Variants in SLC38A9 observed in about 807,000 individuals in gnomAD.
SLC38A9 encodes neutral amino acid transporter 9.
A neutral mutation model predicts 62.3 loss-of-function variants in SLC38A9; 48 were observed. That is an observed-to-expected ratio of 0.77 (90% CI 0.61 to 0.98). The LOEUF is 0.98. SLC38A9 is among the 50% of genes least tolerant of loss of function. The probability of loss-of-function intolerance (pLI) is 0.00; values close to 1 mark genes in which losing one functional copy is unlikely to be tolerated. For synonymous variants in SLC38A9, 204 were observed against 227.7 expected (o/e 0.90, Z 0.94); for missense variants, 541 against 679.8 (o/e 0.80, Z 2.27).
chr5:55,680,783 C>T lies in SLC38A9; in HGVS notation c.114-8088G>A, dbSNP rs1299708867. On this transcript the variant is annotated intron_variant, in intron 3 of 15. Coordinates refer to ENST00000396865, the MANE Select transcript of SLC38A9 (RefSeq NM_173514.4). ...TGCTTTACCACTGGAAAGACACTGT[C>T]AACAAATGGTTTACACAAACTGGTC... is the stretch of plus-strand genomic sequence containing the variant. Among the ~76,000 whole-genome samples the T allele has an allele frequency of 3.3e-5, 5 of 152,302 alleles. No individual in the cohort carries two copies. The South Asian group carries it at 1.0e-3, about 32-fold the overall frequency.
At chr5:55,651,227 TG>T in intron 10 of SLC38A9, among the ~76,000 whole-genome samples, 1 of 66,562 alleles carries the variant, frequency 1.5e-5, no homozygotes, top group Non-Finnish European at 3.7e-5. Flanking sequence ...GAACTTTCAC[TG>T]GGGGGGTTCC....
At chr5:55,639,674 T>A (rs978145868) in intron 12 of SLC38A9, among the ~76,000 whole-genome samples, 1 of 152,184 alleles carries the variant, frequency 6.6e-6, no homozygotes, top group African/African-American at 2.4e-5. Context: ...CTTAAAGGTA[T>A]AATCATTAAA....
chr5:55,708,469 G>C (rs1161650852), intron 2 of SLC38A9, among the ~76,000 whole-genome samples: 1 of 152,190 alleles, frequency 6.6e-6, no homozygotes, highest in Admixed American at 6.5e-5. Flanking sequence ...AAGAATATCA[G>C]CCCTTTCCAT....
intron 8 of SLC38A9, among the ~76,000 whole-genome samples, chr5:55,660,492 A>T (rs2150262085): frequency 6.6e-6 from 1 of 152,330 alleles, no homozygotes. Flanking sequence ...AAAATTTATC[A>T]TTACTTTCTG....
chr5:55,654,393 G>A (rs1206859186), intron 9 of SLC38A9, among the ~76,000 whole-genome samples: 3 of 152,134 alleles, frequency 2.0e-5, no homozygotes, highest in African/African-American at 7.2e-5. Context: ...TGGGGCAGGA[G>A]GATCACTTGA....
chr5:55,656,622 C>T (rs1405712765), intron 9 of SLC38A9, 93 bp downstream of exon 9: 22 of 821,528 alleles, frequency 2.7e-5, no homozygotes, highest in Non-Finnish European at 3.5e-5. Flanking sequence ...TTCTACTAAT[C>T]GTTTACCTAA....
chr5:55,705,903 T>C (rs1020055525), intron 2 of SLC38A9, among the ~76,000 whole-genome samples: 4 of 151,784 alleles, frequency 2.6e-5, no homozygotes, highest in Non-Finnish European at 5.9e-5. Flanking sequence ...AGAGACGGGG[T>C]TTCACCATAT....
At chr5:55,680,224 T>G (rs62362051) in intron 3 of SLC38A9, among the ~76,000 whole-genome samples, 27,576 of 143,266 alleles carry the variant, frequency 0.19, 2,648 homozygotes, top group Admixed American at 0.24. Context: ...TCTATATATA[T>G]ATAGAGAGAG....
At chr5:55,661,726 C>T (rs1243475551) in intron 8 of SLC38A9, among the ~76,000 whole-genome samples, 1 of 151,972 alleles carries the variant, frequency 6.6e-6, no homozygotes, top group Non-Finnish European at 1.5e-5. Flanking sequence ...TTTTGAATAA[C>T]ACAGAGCTAC....
intron 8 of SLC38A9, among the ~76,000 whole-genome samples, chr5:55,661,252 G>A (rs1749471382): frequency 1.3e-5 from 2 of 152,024 alleles, no homozygotes; most frequent in South Asian, 4.2e-4. Context: ...AGACCATCCT[G>A]GCTAACACGG....
At chr5:55,694,197 G>T in intron 3 of SLC38A9, 2 of 194,214 alleles carry the variant, frequency 1.0e-5, no homozygotes, top group South Asian at 7.2e-5. Context: ...TACAGAGTGA[G>T]ACCCTGTCTC....
At chr5:55,649,160 G>T in intron 11 of SLC38A9, 47 bp downstream of exon 11, 5 of 1,072,180 alleles carry the variant, frequency 4.7e-6, no homozygotes, top group Non-Finnish European at 6.7e-6. Context: ...ATATGACAAT[G>T]GTTAAGATCA....
At chr5:55,638,298 G>T (rs1744802442) in intron 12 of SLC38A9, among the ~76,000 whole-genome samples, 1 of 152,088 alleles carries the variant, frequency 6.6e-6, no homozygotes, top group Admixed American at 6.6e-5. Context: ...TAAAGATATA[G>T]CCTATTTAAT....
At chr5:55,711,521 C>T (rs1329170727) in intron 1 of SLC38A9, 22 bp from the exon 2 acceptor site, 2 of 152,158 alleles carry the variant, frequency 1.3e-5, no homozygotes, top group African/African-American at 4.8e-5. Context: ...GGAGAATGCG[C>T]TTGACTAGCT....
chr5:55,655,755 C>A (rs1179118013), intron 9 of SLC38A9, among the ~76,000 whole-genome samples: 2 of 152,124 alleles, frequency 1.3e-5, no homozygotes, highest in Non-Finnish European at 1.5e-5. Flanking sequence ...TCTTAGTGAT[C>A]AATGTGCATC....
At chr5:55,655,467 C>A (rs948692626) in intron 9 of SLC38A9, among the ~76,000 whole-genome samples, 1 of 152,024 alleles carries the variant, frequency 6.6e-6, no homozygotes, top group East Asian at 1.9e-4. Flanking sequence ...TTTGAAAATT[C>A]TGAAGTAAGG....
At chr5:55,692,562 A>T in intron 3 of SLC38A9, 1 of 910,240 alleles carries the variant, frequency 1.1e-6, no homozygotes, top group South Asian at 5.0e-5. Context: ...CTAAGTCTCT[A>T]TATTTGCCTT....
chr5:55,658,635 G>A (rs1222821086), intron 8 of SLC38A9, among the ~76,000 whole-genome samples: 2 of 152,158 alleles, frequency 1.3e-5, no homozygotes, highest in Non-Finnish European at 2.9e-5. Context: ...GGAGGGACCA[G>A]GGCCCTGTTC....
At chr5:55,691,434 C>T (rs1754724933) in intron 3 of SLC38A9, 1 of 1,055,036 alleles carries the variant, frequency 9.5e-7, no homozygotes. Context: ...TATGAAATCC[C>T]TAGGCCCTGG....
Sources: gnomAD v4.1 joint callset for allele counts (sites outside exome capture counted in the v4.1 genomes callset) on GRCh38, gnomAD v4.1.1 for gene constraint, MANE v1.5 for transcripts, NCBI Gene and HGNC (gene_info 2026-07-23, HGNC 2026-07-21) for gene names.